The following RBBP6 variants were observed in gnomAD, a reference collection of about 807,000 sequenced individuals.
The protein encoded by RBBP6 is RB binding protein 6, ubiquitin ligase, also known as E3 ubiquitin-protein ligase RBBP6.
In RBBP6, 25 loss-of-function variants were observed where a neutral mutation model predicts 167.7. The observed-to-expected ratio is 0.15, with a 90% CI of 0.11 to 0.21. The LOEUF (loss-of-function observed/expected upper bound fraction) is 0.21. Ranked by LOEUF, RBBP6 falls within the 10% of genes least tolerant of loss-of-function variation. The probability of loss-of-function intolerance (pLI) is 1.00; values close to 1 mark genes in which losing one functional copy is unlikely to be tolerated. For missense variants in RBBP6, 1,868 were observed against 2,134.2 expected, an observed-to-expected ratio of 0.88 and a Z score of 2.46; for synonymous variants, 789 against 735.8, an observed-to-expected ratio of 1.07 and a Z score of -1.17.
At chr16:24,564,022 CT>C (rs1899135857) in intron 13 of RBBP6, among the ~76,000 whole-genome samples, 1 of 152,086 alleles carries the variant, frequency 6.6e-6, no homozygotes, top group East Asian at 1.9e-4. Context: ...GTAGGTTTAA[CT>C]TTTTCTACCC....
Position 24,569,621 on chromosome 16 carries a change from C to A in RBBP6, c.2931C>A (p.Leu977=). ...ATAAAACAGACTCATTGTTTGTTCT[C>A]CCAAGTAGAGATGATGCCACACCTG... ...EENKTDSLFV[L]PSRDDATPVR... Residue 977 remains leucine (L), a synonymous_variant, in exon 17 of 18, where the codon CTC becomes CTA. Coordinates refer to ENST00000319715, the MANE Select transcript of RBBP6 (RefSeq NM_006910.5). 6.2e-7 allele frequency: 1 copy of A among 1,612,330 alleles called. No homozygotes were observed. The highest frequency in any genetic ancestry group is 8.5e-7 in the Non-Finnish European group (1 of 1,179,644).
rs1899125914 is a variant in RBBP6 at position 24,563,680 on chromosome 16, C to A, written c.1520+16C>A. On this transcript the variant is annotated intron_variant, in intron 13 of 17. Transcript: ENST00000319715. ...GCTGGGAACAGTGAGTAGATGTTTA[C>A]AATAATCTTCAGATGATTGCCTGCA... 1.2e-6 allele frequency: 2 copies of A among 1,605,188 alleles called. 1 individual carries two copies. Among genetic ancestry groups the A allele is most frequent in the Non-Finnish European group, 1.7e-6 (2 of 1,175,128 alleles).
chr16:24,558,542 A>G (rs950964407), intron 7 of RBBP6: 5 of 928,468 alleles, frequency 5.4e-6, no homozygotes, highest in Non-Finnish European at 6.4e-6. Flanking sequence ...AAGGTACCCT[A>G]CTCTGTACAG....
intron 3 of RBBP6, among the ~76,000 whole-genome samples, chr16:24,551,001 T>G (rs1898782942): frequency 6.6e-6 from 1 of 151,910 alleles, no homozygotes; most frequent in South Asian, 2.1e-4. Context: ...AGTAAATGTA[T>G]AGTTTTGGTA....
Position 24,569,785 on chromosome 16 carries a change from A to G in RBBP6, c.3095A>G (p.Glu1032Gly). The change falls in exon 17 of 18, where the codon GAA becomes GGA. Residue 1032 changes from glutamate (E) to glycine (G), a missense_variant. Physicochemically the swap from Glu to Gly is moderately conservative, Grantham distance 98. Transcript: ENST00000319715. ...GATGGATCTGCTGTGTCCAAAAAAG[A>G]AAATATTGTAAAACCTGCTAAAGGA... ...KNDGSAVSKK[E>G]NIVKPAKGPQ... 6.2e-7 allele frequency: 1 copy of G among 1,613,700 alleles called. No homozygotes were observed. Among genetic ancestry groups the G allele is most frequent in the Non-Finnish European group, 8.5e-7 (1 of 1,179,958 alleles).
Position 24,567,346 on chromosome 16 carries a change from G to A in RBBP6, c.1793G>A (p.Ser598Asn), listed in dbSNP as rs765861151. The A allele has an allele frequency of 3.7e-6, 6 of 1,614,040 alleles. No individual in the cohort carries two copies. Among genetic ancestry groups the A allele is most frequent in the Non-Finnish European group, 5.1e-6 (6 of 1,180,012 alleles). The change falls in exon 15 of 18, where the codon AGT becomes AAT. Residue 598 changes from serine to asparagine, a missense_variant. Ser to Asn is a conservative substitution (Grantham distance 46). Transcript: ENST00000319715. ...PPGQPPPAGY[S>N]VPPPGFPPAP... ...GGCCAGCCACCACCCGCTGGGTATAGTGTCCCTCCTCCAGGGTTTCCTCCA... is the reference window on the plus strand; with the variant it reads ...GGCCAGCCACCACCCGCTGGGTATAATGTCCCTCCTCCAGGGTTTCCTCCA...
At chr16:24,567,010 C>G in intron 14 of RBBP6, 133 bp from the exon 15 acceptor site, 1 of 906,992 alleles carries the variant, frequency 1.1e-6, no homozygotes, top group Non-Finnish European at 1.6e-6. Context: ...ACTAATGTTG[C>G]TACACTAGTT....
intron 7 of RBBP6, 48 bp downstream of exon 7, chr16:24,556,495 A>G (rs201037330): frequency 1.3e-6 from 2 of 1,557,742 alleles, no homozygotes; most frequent in East Asian, 4.5e-5. Context: ...AGTCAGTCCC[A>G]GGGTATAGTG....
At position 24,567,736 on chromosome 16, in the gene RBBP6, G is replaced by T. The variant is rs558221947; in HGVS notation, c.1953-56G>T. The T allele has an allele frequency of 4.4e-5, 63 of 1,445,090 alleles. 1 individual carries two copies. The South Asian group carries it at 7.6e-4, about 17-fold the overall frequency. 89.5% of individuals were successfully genotyped at this position (1,445,090 alleles called of 1,614,324 possible). A position where few individuals can be genotyped will look rare whatever the true frequency, so the allele number is the denominator to read the frequency against. On this transcript the variant is annotated intron_variant, in intron 15 of 17. Transcript: ENST00000319715. ...TTCATGATCTAATTACATTTGTCTT[G>T]TTAGTTTTCTTAAATGGTTTTTGTT...
intron 3 of RBBP6, among the ~76,000 whole-genome samples, chr16:24,551,963 G>A (rs950151967): frequency 6.6e-6 from 1 of 151,676 alleles, no homozygotes; most frequent in Non-Finnish European, 1.5e-5. Flanking sequence ...GTATTATTTA[G>A]AGGTTTTTTT....
At chr16:24,549,505 T>C in intron 3 of RBBP6, 1 of 454,296 alleles carries the variant, frequency 2.2e-6, no homozygotes, top group Non-Finnish European at 2.9e-6. Flanking sequence ...AAAGCTTATA[T>C]TAAAGTTTGA....
intron 3 of RBBP6, among the ~76,000 whole-genome samples, chr16:24,550,579 AAC>A (rs973010488): frequency 7.9e-5 from 12 of 151,724 alleles, no homozygotes; most frequent in Admixed American, 2.6e-4. Flanking sequence ...ATTTCTTGAA[AAC>A]AGTTATTTCC....
chr16:24,556,492 C>G (rs1898914436), intron 7 of RBBP6, 45 bp downstream of exon 7: 1 of 1,564,250 alleles, frequency 6.4e-7, no homozygotes, highest in Non-Finnish European at 8.7e-7. Context: ...TCCAGTCAGT[C>G]CCAGGGTATA....
chr16:24,543,636 C>G (rs1446570758), intron 1 of RBBP6, among the ~76,000 whole-genome samples: 1 of 151,990 alleles, frequency 6.6e-6, no homozygotes, highest in Admixed American at 6.6e-5. Flanking sequence ...GACTGAAACG[C>G]TTGGGTCAGA....
chr16:24,555,000 A>T (rs1898881311), intron 4 of RBBP6: 1 of 152,122 alleles, frequency 6.6e-6, no homozygotes, highest in Non-Finnish European at 1.5e-5. Flanking sequence ...ATGAGTGCTA[A>T]ATGCCTGAAG....
chr16:24,562,289 A>G lies in RBBP6; in HGVS notation c.1289+128A>G, dbSNP rs1899081472. Reference sequence around the variant, plus strand: ...GCTCAGTAATGTGGGATGACTTGTAAGAAGTGACTTAGTCTTATTGGGGGA... The same window carrying G: ...GCTCAGTAATGTGGGATGACTTGTAGGAAGTGACTTAGTCTTATTGGGGGA... On this transcript the variant is annotated intron_variant, in intron 10 of 17. Transcript: ENST00000319715. 4 of 870,930 alleles carry G rather than the reference A, an allele frequency of 4.6e-6. No homozygotes were observed. In the African/African-American group the frequency reaches 6.7e-5, roughly 15 times the overall value. The allele number at this position is 870,930 out of a possible 1,614,324, so 54.0% of individuals were successfully genotyped here.
At position 24,563,607 on chromosome 16, in the gene RBBP6, T is replaced by C. The variant is rs772917009; in HGVS notation, c.1466-3T>C. The C allele has an allele frequency of 5.6e-6, 9 of 1,612,816 alleles. No individual in the cohort carries two copies. The Admixed American group carries it at 1.2e-4, about 21-fold the overall frequency. ...ACCTACTGCTTTTATTTTTTGTTTC[T>C]AGGTCCAGTAAGAATAAATACTGCT... On this transcript the variant is annotated splice_region_variant and splice_polypyrimidine_tract_variant and intron_variant, in intron 12 of 17. Coordinates refer to ENST00000319715, the MANE Select transcript of RBBP6 (RefSeq NM_006910.5).
Position 24,570,129 on chromosome 16 carries a change from A to G in RBBP6, c.3439A>G (p.Arg1147Gly). 6.3e-7 allele frequency: 1 copy of G among 1,587,336 alleles called. No homozygotes were observed. Residue 1147 changes from arginine to glycine, a missense_variant, in exon 17 of 18, where the codon AGA becomes GGA. Arg to Gly is a moderately radical substitution (Grantham distance 125). Around this residue, in one of 7 missense-constraint regions of RBBP6, gnomAD observed 673 missense variants for 691.5 expected, o/e 0.97. Transcript: ENST00000319715. ...NKPLDNKGEK[R>G]KRKTEEKGVD... ...ACCACTTGATAATAAGGGAGAAAAA[A>G]GAAAAAGAAAAACTGAAGAAAAAGG... is the stretch of plus-strand genomic sequence containing the variant.
At chr16:24,566,560 G>A (rs572428783) in intron 14 of RBBP6, among the ~76,000 whole-genome samples, 1 of 152,202 alleles carries the variant, frequency 6.6e-6, no homozygotes, top group Admixed American at 6.5e-5. Flanking sequence ...GCCCAACATG[G>A]TGAAACCCTG....
Sources: gnomAD v4.1 joint callset for allele counts (sites outside exome capture counted in the v4.1 genomes callset) on GRCh38, gnomAD v4.1.1 for gene constraint, gnomAD v4.1.1 regional missense constraint, MANE v1.5 for transcripts, NCBI Gene and HGNC (gene_info 2026-07-23, HGNC 2026-07-21) for gene names.